HPS1: variants seen among roughly 807,000 people sequenced by gnomAD.
HPS1 encodes BLOC-3 complex member HPS1.
In HPS1, 59 loss-of-function variants were observed where a neutral mutation model predicts 90.6. The ratio of observed to expected loss-of-function variants is 0.65; its 90% CI spans 0.53 to 0.81. The LOEUF is 0.81. Among genes scored for constraint, HPS1 ranks in the 30% least tolerant of loss-of-function variants. The pLI is 0.00. For synonymous variants in HPS1, 388 were observed against 384.4 expected (o/e 1.01, Z -0.11); for missense variants, 849 against 896.7 (o/e 0.95, Z 0.68).
Position 98,435,159 on chromosome 10 carries a change from C to T in HPS1, c.398+113G>A. On this transcript the variant is annotated intron_variant, in intron 5 of 19. Transcript: ENST00000361490. This position sits in a 1 kb window ranked among gnomAD's most constrained non-coding sequence, Gnocchi z 4.3. ...TGAGCTGTTTCTCTGACCTAGGGAC[C>T]CAGCTGGGGGCAGTATGTGAAAAAT... is the stretch of plus-strand genomic sequence containing the variant. The T allele has an allele frequency of 7.6e-7, 1 of 1,315,296 alleles. No individual in the cohort carries two copies. Among genetic ancestry groups the T allele is most frequent in the Non-Finnish European group, 1.1e-6 (1 of 915,780 alleles). 81.5% of individuals were successfully genotyped at this position (1,315,296 alleles called of 1,614,324 possible). A position where few individuals can be genotyped will look rare whatever the true frequency, so the allele number is the denominator to read the frequency against.
chr10:98,427,997 T>TA (rs1223148769), intron 10 of HPS1, among the ~76,000 whole-genome samples: 3 of 152,108 alleles, frequency 2.0e-5, no homozygotes, highest in Admixed American at 6.5e-5. Context: ...TTTTAAGGCA[T>TA]AAAAAACCAC....
intron 6 of HPS1, among the ~76,000 whole-genome samples, chr10:98,432,423 C>T (rs1213123125): frequency 6.6e-6 from 1 of 152,186 alleles, no homozygotes; most frequent in African/African-American, 2.4e-5. Context: ...CATGGCCTGG[C>T]ACACCTCTTA....
Position 98,435,131 on chromosome 10 carries a change from A to G in HPS1, c.398+141T>C. On this transcript the variant is annotated intron_variant, in intron 5 of 19. Transcript: ENST00000361490. This position sits in a 1 kb window ranked among gnomAD's most constrained non-coding sequence, Gnocchi z 4.3. ...TCAGACCAGATGGTCTCCAAGGTTC[A>G]CTTGAGCTGTTTCTCTGACCTAGGG... 1 of 917,976 alleles carries G rather than the reference A, an allele frequency of 1.1e-6. No homozygotes were observed. Among genetic ancestry groups the G allele is most frequent in the East Asian group, 2.5e-5 (1 of 39,774 alleles). The allele number at this position is 917,976 out of a possible 1,614,324, so 56.9% of individuals were successfully genotyped here. A position where few individuals can be genotyped will look rare whatever the true frequency, so the allele number is the denominator to read the frequency against.
At chr10:98,430,499 C>T in intron 8 of HPS1, 72 bp downstream of exon 8, 1 of 1,176,162 alleles carries the variant, frequency 8.5e-7, no homozygotes. Flanking sequence ...GGAGCCTGCC[C>T]ACCATCTTCA....
chr10:98,424,250 G>T (rs1591043626), intron 14 of HPS1, 63 bp downstream of exon 14: 2 of 1,192,384 alleles, frequency 1.7e-6, no homozygotes, highest in East Asian at 2.3e-5. Flanking sequence ...AGGAGATGTG[G>T]CCTCCCAGGG....
rs1033123738 is a variant in HPS1 at position 98,417,951 on chromosome 10, C to G, written c.1940+224G>C. Among the ~76,000 whole-genome samples the G allele has an allele frequency of 1.3e-5, 2 of 152,136 alleles. No homozygotes were observed. Among genetic ancestry groups the G allele is most frequent in the Non-Finnish European group, 2.9e-5 (2 of 68,022 alleles). ...TTCTGGGCCGGGCACAGACGTTCCC[C>G]GTGCTGCCAAGACCATGCCAGCAGG... On this transcript the variant is annotated intron_variant, in intron 19 of 19. Coordinates refer to ENST00000361490, the MANE Select transcript of HPS1 (RefSeq NM_000195.5). The surrounding 1 kb of genome is among the most constrained non-coding windows in gnomAD (Gnocchi z 4.2).
At chr10:98,443,605 G>A (rs1396475513) in intron 2 of HPS1, among the ~76,000 whole-genome samples, 3 of 152,228 alleles carry the variant, frequency 2.0e-5, no homozygotes, top group Admixed American at 6.5e-5. Context: ...AGGGACCCAG[G>A]TCTTGGCCTA....
intron 17 of HPS1, among the ~76,000 whole-genome samples, chr10:98,421,145 G>T (rs1162152209): frequency 6.6e-6 from 1 of 152,230 alleles, no homozygotes; most frequent in Non-Finnish European, 1.5e-5. Context: ...ACCCTTAACG[G>T]GAGGGACAGG....
intron 10 of HPS1, among the ~76,000 whole-genome samples, chr10:98,428,313 G>A (rs976833125): frequency 8.5e-5 from 13 of 152,248 alleles, no homozygotes; most frequent in African/African-American, 3.1e-4. Context: ...CTGACGCCCA[G>A]GGCATAGCTC....
At chr10:98,436,327 G>A (rs1343579458) in intron 3 of HPS1, among the ~76,000 whole-genome samples, 1 of 152,142 alleles carries the variant, frequency 6.6e-6, no homozygotes, top group Non-Finnish European at 1.5e-5. Context: ...ATATTAGAGT[G>A]TTTCAATGAC....
Position 98,416,475 on chromosome 10 carries a change from C to G in HPS1, c.*1089G>C, listed in dbSNP as rs1454899543. On this transcript the variant is annotated 3_prime_UTR_variant, in exon 20 of 20. Coordinates refer to ENST00000361490, the MANE Select transcript of HPS1 (RefSeq NM_000195.5). Reference sequence around the variant, plus strand: ...CACCTGAGGGGATACTTCCTCACTGCCACCTTCTCAGGGTTTAGACCAACA... The same window carrying G: ...CACCTGAGGGGATACTTCCTCACTGGCACCTTCTCAGGGTTTAGACCAACA... The G allele has an allele frequency of 6.6e-6, 1 of 152,368 alleles. No homozygotes were observed. Among genetic ancestry groups the G allele is most frequent in the Admixed American group, 6.5e-5 (1 of 15,284 alleles). 9.4% of individuals were successfully genotyped at this position (152,368 alleles called of 1,614,324 possible).
chr10:98,430,455 G>T, intron 8 of HPS1, 116 bp downstream of exon 8: 2 of 791,466 alleles, frequency 2.5e-6, no homozygotes, highest in Non-Finnish European at 4.4e-6. Flanking sequence ...CACACACCCA[G>T]AATTGTGACT....
chr10:98,442,271 C>T (rs965585289), intron 3 of HPS1: 1 of 152,242 alleles, frequency 6.6e-6, no homozygotes, highest in Non-Finnish European at 1.5e-5. Flanking sequence ...TATATAAGGC[C>T]ATATGATACA....
chr10:98,415,143 C>T (rs1241314926), downstream of HPS1: 2 of 1,611,516 alleles, frequency 1.2e-6, no homozygotes, highest in Non-Finnish European at 8.5e-7. Context: ...CATTTCTGCC[C>T]CAGGCTGGGC....
chr10:98,431,777 AG>A (rs1166168410), intron 6 of HPS1, among the ~76,000 whole-genome samples: 2 of 152,220 alleles, frequency 1.3e-5, no homozygotes, highest in Non-Finnish European at 2.9e-5. Flanking sequence ...AATAAAAGAA[AG>A]GCCCTATGCA....
downstream of HPS1, chr10:98,414,440 G>A (rs1460711990): frequency 6.6e-6 from 1 of 152,252 alleles, no homozygotes; most frequent in Non-Finnish European, 1.5e-5. Context: ...ATGTCCCAGA[G>A]CTGCAAGGCA....
In HPS1 at chr10:98,418,237, G is replaced by A. The variant is rs375995143; in HGVS notation, c.1878C>T (p.Ile626=). 42 of 1,608,856 alleles carry A rather than the reference G, an allele frequency of 2.6e-5. No individual in the cohort carries two copies. In the African/African-American group the frequency reaches 4.7e-4, roughly 18 times the overall value. The change falls in exon 19 of 20, where the codon ATC becomes ATT. Residue 626 remains isoleucine, a synonymous_variant. Transcript: ENST00000361490. ...AGTCGTCGGAGAGGACGGGCACCTC[G>A]ATCATCTGGAGTTTGTACCCCTGAG... ...ENDMGYKLQM[I]EVPVLSDDSV...
intron 16 of HPS1, 22 bp downstream of exon 16, chr10:98,423,581 T>A (rs747073093): frequency 6.2e-7 from 1 of 1,613,142 alleles, no homozygotes; most frequent in Non-Finnish European, 8.5e-7. Flanking sequence ...TTGGGCTGGC[T>A]GGGGCCCCGG....
intron 6 of HPS1, among the ~76,000 whole-genome samples, chr10:98,432,730 G>C (rs922136385): frequency 2.6e-5 from 4 of 152,044 alleles, no homozygotes; most frequent in Non-Finnish European, 5.9e-5. Flanking sequence ...ATACCTAATA[G>C]TTCCAATGTA....
Sources: gnomAD v4.1 joint callset for allele counts (sites outside exome capture counted in the v4.1 genomes callset) on GRCh38, gnomAD v4.1.1 for gene constraint, Gnocchi (gnomAD v3.1) non-coding constraint, MANE v1.5 for transcripts, NCBI Gene and HGNC (gene_info 2026-07-23, HGNC 2026-07-21) for gene names.